The following SLC4A5 variants were observed in gnomAD, a reference collection of about 807,000 sequenced individuals.
SLC4A5 encodes the protein solute carrier family 4 member 5.
In SLC4A5, 96 loss-of-function variants were observed where a neutral mutation model predicts 120.4. The ratio of observed to expected loss-of-function variants is 0.80; its 90% CI spans 0.68 to 0.94. SLC4A5 has a LOEUF of 0.94. Among genes scored for constraint, SLC4A5 ranks in the 40% least tolerant of loss-of-function variants. SLC4A5 has a pLI of 0.00. For missense variants in SLC4A5, 1,259 were observed against 1,459.5 expected (o/e 0.86, Z 2.24); for synonymous variants, 550 against 571.1 (o/e 0.96, Z 0.53).
chr2:74,218,647 C>T (rs1473296061), exon 31 of SLC4A5: 5 of 152,646 alleles, frequency 3.3e-5, no homozygotes, highest in Non-Finnish European at 5.9e-5. Context: ...GTCTCACTGT[C>T]AGTTTCTCTT....
At chr2:74,277,823 T>C (rs1030513282) in intron 8 of SLC4A5, among the ~76,000 whole-genome samples, 20 of 152,290 alleles carry the variant, frequency 1.3e-4, no homozygotes, top group African/African-American at 4.6e-4. Flanking sequence ...TATAACGGCA[T>C]TGTGTTTACA....
chr2:74,276,782 G>A (rs1227259650), intron 8 of SLC4A5, among the ~76,000 whole-genome samples: 1 of 149,484 alleles, frequency 6.7e-6, no homozygotes, highest in Non-Finnish European at 1.5e-5. Context: ...CCTCTGATCT[G>A]GGTCCCAGTG....
chr2:74,337,957 G>A (rs1210094526), intron 3 of SLC4A5, among the ~76,000 whole-genome samples: 1 of 152,190 alleles, frequency 6.6e-6, no homozygotes, highest in South Asian at 2.1e-4. Flanking sequence ...GGCTTTCCAG[G>A]CAGGTGTGGC....
At chr2:74,272,292 T>C (rs1210207620) in intron 8 of SLC4A5, among the ~76,000 whole-genome samples, 4 of 152,210 alleles carry the variant, frequency 2.6e-5, no homozygotes, top group African/African-American at 7.2e-5. Context: ...TTCTGCTATA[T>C]ACTACTTTTG....
chr2:74,243,228 C>T (rs936172121), intron 19 of SLC4A5, among the ~76,000 whole-genome samples: 2 of 152,204 alleles, frequency 1.3e-5, no homozygotes, highest in Non-Finnish European at 2.9e-5. Context: ...CTCTCCTTTC[C>T]ATGTGGACCC....
chr2:74,268,470 T>TATTC (rs1162890474), intron 8 of SLC4A5, among the ~76,000 whole-genome samples: 1 of 152,264 alleles, frequency 6.6e-6, no homozygotes, highest in Non-Finnish European at 1.5e-5. Flanking sequence ...GTCCTTCTAG[T>TATTC]ATTCCACTGT....
intron 7 of SLC4A5, among the ~76,000 whole-genome samples, chr2:74,291,751 T>C (rs1449708390): frequency 6.6e-6 from 1 of 152,210 alleles, no homozygotes; most frequent in East Asian, 1.9e-4. Flanking sequence ...ATTACAGGTG[T>C]GAGCCATCAC....
intron 8 of SLC4A5, among the ~76,000 whole-genome samples, chr2:74,276,601 TC>T (rs1671646581): frequency 6.8e-6 from 1 of 147,802 alleles, no homozygotes; most frequent in African/African-American, 2.6e-5. Flanking sequence ...CTTGAAGAAT[TC>T]TGAAAGTTCT....
At chr2:74,298,206 G>A (rs1394296148) in intron 7 of SLC4A5, among the ~76,000 whole-genome samples, 1 of 152,152 alleles carries the variant, frequency 6.6e-6, no homozygotes, top group Non-Finnish European at 1.5e-5. Context: ...AAACAGTATG[G>A]TACTGGCATT....
At chr2:74,333,941 G>C (rs1673424818) in intron 4 of SLC4A5, 86 bp downstream of exon 4, 1 of 152,164 alleles carries the variant, frequency 6.6e-6, no homozygotes, top group Admixed American at 6.6e-5. Context: ...CTTGTTAATG[G>C]GACTAAGGAT....
At chr2:74,342,257 T>C (rs1003755555) in intron 2 of SLC4A5, among the ~76,000 whole-genome samples, 9 of 152,228 alleles carry the variant, frequency 5.9e-5, no homozygotes, top group African/African-American at 2.2e-4. Context: ...ATGGCCACCA[T>C]CCCTACTTCT....
intron 8 of SLC4A5, among the ~76,000 whole-genome samples, chr2:74,277,576 A>C (rs1238904064): frequency 6.6e-6 from 1 of 152,092 alleles, no homozygotes; most frequent in Non-Finnish European, 1.5e-5. Context: ...AAAAAAAATA[A>C]AGTACTGTTG....
chr2:74,307,255 G>C (rs548668923), intron 6 of SLC4A5: 2 of 513,314 alleles, frequency 3.9e-6, no homozygotes, highest in Admixed American at 5.3e-5. Flanking sequence ...TAATCATATT[G>C]GGCCCAGATG....
chr2:74,259,785 T>A (rs1671079020), intron 11 of SLC4A5, 142 bp from the exon 12 acceptor site: 1 of 734,142 alleles, frequency 1.4e-6, no homozygotes, highest in East Asian at 2.6e-5. Flanking sequence ...CCCCTTAAAC[T>A]AGCATCCTCT....
intron 25 of SLC4A5, among the ~76,000 whole-genome samples, chr2:74,230,745 G>A (rs113412058): frequency 2.0e-5 from 3 of 152,304 alleles, no homozygotes; most frequent in African/African-American, 4.8e-5. Context: ...CACAGAAAAC[G>A]GCGGTGACAG....
intron 2 of SLC4A5, among the ~76,000 whole-genome samples, chr2:74,340,844 G>C (rs1219196721): frequency 2.0e-5 from 3 of 152,128 alleles, no homozygotes; most frequent in African/African-American, 7.2e-5. Flanking sequence ...CTGTTCTTTA[G>C]CAGCACCAGA....
chr2:74,277,616 T>C lies in SLC4A5; in HGVS notation c.401+8157A>G, dbSNP rs190455801. On this transcript the variant is annotated intron_variant, in intron 8 of 30. Transcript: ENST00000394019. The stretch of plus-strand genomic sequence containing the variant: ...AGGGCTTTTAGGCAGGACTCTTCCT[T>C]TGGCATCTCTGGAGTCTGATGGCTG... 3.9e-5 allele frequency among the ~76,000 whole-genome samples: 6 copies of C among 152,286 alleles called. No individual in the cohort carries two copies. The East Asian group carries it at 9.6e-4, about 24-fold the overall frequency.
intron 12 of SLC4A5, 61 bp downstream of exon 12, chr2:74,259,527 A>C: frequency 6.4e-7 from 1 of 1,574,638 alleles, no homozygotes; most frequent in Non-Finnish European, 8.7e-7. Flanking sequence ...CCTGCTCCTG[A>C]AACCAAAGAC....
intron 8 of SLC4A5, among the ~76,000 whole-genome samples, chr2:74,268,832 A>G (rs1021500816): frequency 3.3e-5 from 5 of 152,330 alleles, no homozygotes; most frequent in South Asian, 4.1e-4. Context: ...TACTAGTGAG[A>G]TTGAACATCT....
Sources: allele counts gnomAD v4.1 joint callset (sites outside exome capture counted in the v4.1 genomes callset), GRCh38; gene constraint gnomAD v4.1.1; transcripts MANE v1.5; gene names NCBI Gene and HGNC (gene_info 2026-07-23, HGNC 2026-07-21).